Variants in KIF26B observed in about 807,000 individuals in gnomAD.
KIF26B encodes kinesin family member 26B.
Under a neutral mutation model 151.2 loss-of-function variants are expected in KIF26B, and 63 were observed. The observed-to-expected ratio is 0.42, with a 90% CI of 0.34 to 0.51. KIF26B has a LOEUF of 0.51. Among genes scored for constraint, KIF26B ranks in the 20% least tolerant of loss-of-function variants. KIF26B has a pLI of 0.07. For missense variants in KIF26B, 2,813 were observed against 2,913.6 expected (o/e 0.97, Z 0.79); for synonymous variants, 1,357 against 1,262.1 (o/e 1.08, Z -1.59).
At chr1:245,433,194 G>A (rs1040727232) in intron 4 of KIF26B, among the ~76,000 whole-genome samples, 1 of 152,026 alleles carries the variant, frequency 6.6e-6, no homozygotes. Context: ...AGCCGTGTGC[G>A]GCGGCTCCCG....
At chr1:245,669,341 C>T (rs1307126605) in intron 10 of KIF26B, among the ~76,000 whole-genome samples, 1 of 152,108 alleles carries the variant, frequency 6.6e-6, no homozygotes, top group Non-Finnish European at 1.5e-5. Flanking sequence ...GAAGTATTCC[C>T]TACAAATGAA....
At chr1:245,578,704 G>A (rs1008580168) in intron 5 of KIF26B, among the ~76,000 whole-genome samples, 8 of 152,204 alleles carry the variant, frequency 5.3e-5, no homozygotes, top group African/African-American at 1.9e-4. Context: ...CTGTTACTGG[G>A]GCTGTGGATG....
At chr1:245,671,259 G>A (rs942815846) in intron 10 of KIF26B, among the ~76,000 whole-genome samples, 9 of 152,110 alleles carry the variant, frequency 5.9e-5, no homozygotes, top group Non-Finnish European at 1.3e-4. Flanking sequence ...TGGACATTTA[G>A]GTTGCTTCCA....
intron 4 of KIF26B, among the ~76,000 whole-genome samples, chr1:245,493,662 G>A (rs554958889): frequency 1.7e-4 from 26 of 152,332 alleles, no homozygotes; most frequent in African/African-American, 5.5e-4. Context: ...AATTGTCTCA[G>A]AGAGCTGCCA....
chr1:245,411,746 G>C (rs1370781759), intron 3 of KIF26B, among the ~76,000 whole-genome samples: 1 of 152,116 alleles, frequency 6.6e-6, no homozygotes, highest in Non-Finnish European at 1.5e-5. Flanking sequence ...ACTTGATGTG[G>C]GGATTGAGAC....
chr1:245,170,343 G>C lies in KIF26B; in HGVS notation c.465+13660G>C, dbSNP rs541964636. ...ATTTCTTGTCAGTCAATACGTCCTT[G>C]TTTTGGCTAAGTCTCATGCCCTCAT... On this transcript the variant is annotated intron_variant, in intron 2 of 14. Coordinates refer to ENST00000407071, the MANE Select transcript of KIF26B (RefSeq NM_018012.4). The surrounding 1 kb of genome is among the most constrained non-coding windows in gnomAD (Gnocchi z 4.4). Among the ~76,000 whole-genome samples the C allele has an allele frequency of 6.6e-6, 1 of 152,292 alleles. No individual in the cohort carries two copies. The highest frequency in any genetic ancestry group is 1.9e-4 in the East Asian group (1 of 5,188).
intron 2 of KIF26B, among the ~76,000 whole-genome samples, chr1:245,231,723 C>T (rs1000746791): frequency 5.9e-5 from 9 of 151,986 alleles, no homozygotes; most frequent in Admixed American, 3.3e-4. Context: ...AAACAAACCT[C>T]TGGGCCTCCA....
intron 4 of KIF26B, among the ~76,000 whole-genome samples, chr1:245,436,502 G>A (rs1658936309): frequency 6.6e-6 from 1 of 152,210 alleles, no homozygotes; most frequent in Non-Finnish European, 1.5e-5. Context: ...GTGATCGTGG[G>A]GGTTGGCAAG....
At chr1:245,293,660 C>A (rs1671291743) in intron 2 of KIF26B, among the ~76,000 whole-genome samples, 1 of 151,036 alleles carries the variant, frequency 6.6e-6, no homozygotes, top group Admixed American at 6.6e-5. Context: ...CTCACCGCAA[C>A]TTCCACCTCC....
At chr1:245,449,069 C>T (rs762126196) in intron 4 of KIF26B, among the ~76,000 whole-genome samples, 5 of 152,194 alleles carry the variant, frequency 3.3e-5, no homozygotes, top group Non-Finnish European at 5.9e-5. Flanking sequence ...TTCTGTGTTG[C>T]GGCTTCTGGC....
At chr1:245,253,805 T>TTC (rs1670484870) in intron 2 of KIF26B, among the ~76,000 whole-genome samples, 1 of 133,600 alleles carries the variant, frequency 7.5e-6, no homozygotes, top group Non-Finnish European at 1.6e-5. Flanking sequence ...TCCTGCTTTT[T>TTC]TTTTTTTTTT....
intron 14 of KIF26B, among the ~76,000 whole-genome samples, chr1:245,700,932 TC>T (rs2044762277): frequency 6.6e-6 from 1 of 152,226 alleles, no homozygotes. Context: ...TTTCAGTCAG[TC>T]AGTTCTCTCT....
intron 9 of KIF26B, among the ~76,000 whole-genome samples, chr1:245,614,269 A>G (rs1815670): frequency 0.46 from 69,738 of 151,870 alleles, 16,403 homozygotes; most frequent in East Asian, 0.66. Context: ...CCGCCTCCCG[A>G]GTTCAAGCGA....
At position 245,516,894 on chromosome 1, in the gene KIF26B, G is replaced by A. The variant is rs1383554297; in HGVS notation, c.1167-23873G>A. Reference sequence around the variant, plus strand: ...CTGGTGATTGGCGGAGTTTGGGGGTGGGGAGGGGGCGCTGGGCTGATTGCC... The same window carrying A: ...CTGGTGATTGGCGGAGTTTGGGGGTAGGGAGGGGGCGCTGGGCTGATTGCC... On this transcript the variant is annotated intron_variant, in intron 4 of 14. Transcript: ENST00000407071. The surrounding 1 kb of genome is among the most constrained non-coding windows in gnomAD (Gnocchi z 4.2). Among the ~76,000 whole-genome samples the A allele has an allele frequency of 1.3e-5, 2 of 152,054 alleles. No individual in the cohort carries two copies. Among genetic ancestry groups the A allele is most frequent in the Non-Finnish European group, 2.9e-5 (2 of 67,994 alleles).
intron 2 of KIF26B, among the ~76,000 whole-genome samples, chr1:245,172,919 C>T (rs181059585): frequency 1.6e-4 from 25 of 152,246 alleles, no homozygotes; most frequent in African/African-American, 4.6e-4. Flanking sequence ...GTGATGATAC[C>T]GTGTAATACA....
At chr1:245,500,554 C>T (rs1054326413) in intron 4 of KIF26B, among the ~76,000 whole-genome samples, 1 of 152,224 alleles carries the variant, frequency 6.6e-6, no homozygotes, top group Non-Finnish European at 1.5e-5. Context: ...TTAACATGCT[C>T]GGTGCCTGAA....
At chr1:245,634,210 A>G (rs2043810912) in intron 9 of KIF26B, among the ~76,000 whole-genome samples, 1 of 152,206 alleles carries the variant, frequency 6.6e-6, no homozygotes, top group Admixed American at 6.5e-5. Flanking sequence ...AAACTCACCT[A>G]TTAGTTCTAG....
At position 245,367,270 on chromosome 1, in the gene KIF26B, G is replaced by A. The variant is rs1672983053; in HGVS notation, c.902G>A (p.Gly301Glu). Residue 301 changes from glycine (G) to glutamate (E), a missense_variant, in exon 3 of 15, where the codon GGG becomes GAG. This residue lies in a region of KIF26B where 676 missense variants were observed against 688.1 expected (regional missense o/e 0.98). Coordinates refer to ENST00000407071, the MANE Select transcript of KIF26B (RefSeq NM_018012.4). This position sits in a 1 kb window ranked among gnomAD's most constrained non-coding sequence, Gnocchi z 4.2. ...CAGATGGCCACCAGTCCAAGCAATGGGAACATCCTCAATTCGGTGGCCATC... is the reference window on the plus strand; with the variant it reads ...CAGATGGCCACCAGTCCAAGCAATGAGAACATCCTCAATTCGGTGGCCATC... ...SLQMATSPSNGNILNSVAIQA... is the reference protein window; with the variant it reads ...SLQMATSPSNENILNSVAIQA... 6.2e-7 allele frequency: 1 copy of A among 1,605,468 alleles called. No homozygotes were observed. Among genetic ancestry groups the A allele is most frequent in the African/African-American group, 1.3e-5 (1 of 74,904 alleles).
At chr1:245,285,640 GA>G (rs68008343) in intron 2 of KIF26B, among the ~76,000 whole-genome samples, 6,329 of 131,028 alleles carry the variant, frequency 0.048, 171 homozygotes, top group African/African-American at 0.083. Flanking sequence ...TCCTAAAATT[GA>G]AAAAAAAAAA....
Sources: allele counts gnomAD v4.1 joint callset (sites outside exome capture counted in the v4.1 genomes callset), GRCh38; gene constraint gnomAD v4.1.1; regional missense constraint gnomAD v4.1.1; non-coding constraint Gnocchi (gnomAD v3.1); transcripts MANE v1.5; gene names NCBI Gene and HGNC (gene_info 2026-07-23, HGNC 2026-07-21).